The following SP140 variants were observed in gnomAD, a reference collection of about 807,000 sequenced individuals.
The protein encoded by SP140 is nuclear body protein SP140.
A neutral mutation model predicts 125.0 loss-of-function variants in SP140; 81 were observed. That is an observed-to-expected ratio of 0.65 (90% CI 0.54 to 0.78). SP140 has a LOEUF of 0.78. Among genes scored for constraint, SP140 ranks in the 30% least tolerant of loss-of-function variants. The pLI is 0.00. For missense variants in SP140, 858 were observed against 1,037.0 expected (o/e 0.83, Z 2.37); for synonymous variants, 312 against 354.0 (o/e 0.88, Z 1.33).
upstream of SP140, among the ~76,000 whole-genome samples, chr2:230,222,301 T>C (rs1230529302): frequency 6.6e-6 from 1 of 152,002 alleles, no homozygotes; most frequent in Admixed American, 6.6e-5. Context: ...TTAATTCACA[T>C]GCTAGTGATT....
chr2:230,238,927 T>C, intron 3 of SP140: 1 of 1,547,474 alleles, frequency 6.5e-7, no homozygotes, highest in Non-Finnish European at 8.7e-7. Flanking sequence ...ACCATGTGGT[T>C]GAATTGCAGA....
intron 22 of SP140, among the ~76,000 whole-genome samples, chr2:230,304,925 A>G (rs2058616203): frequency 2.6e-5 from 4 of 152,248 alleles, no homozygotes. Context: ...TAATTAAACT[A>G]AAAGGCTTCT....
chr2:230,311,411 A>G (rs1320468508), intron 25 of SP140, 41 bp from the exon 26 acceptor site: 2 of 1,518,732 alleles, frequency 1.3e-6, no homozygotes, highest in African/African-American at 2.8e-5. Context: ...GTAGACACTG[A>G]ACTATGCTGG....
chr2:230,288,931 CGT>C lies in SP140; in HGVS notation c.1720+974_1720+975del, dbSNP rs1364941007. Among the ~76,000 whole-genome samples, 12 of 152,112 alleles carry C rather than the reference CGT, an allele frequency of 7.9e-5. 1 individual carries two copies. The highest frequency in any genetic ancestry group is 6.5e-5 in the Admixed American group (1 of 15,268). ...TGTGAACACTGCTGCAATAAACACA[CGT>C]GTGTGTGTCTTTATAGTAGACTGAT... is the stretch of plus-strand genomic sequence containing the variant. On this transcript the variant is annotated intron_variant, in intron 18 of 26. Coordinates refer to ENST00000392045, the MANE Select transcript of SP140 (RefSeq NM_007237.5).
chr2:230,210,054 G>T, intron 1 of SP140: 1 of 1,182,044 alleles, frequency 8.5e-7, no homozygotes, highest in Non-Finnish European at 1.3e-6. Flanking sequence ...ATCCAGTGAA[G>T]AGAAAGTGCT....
intron 1 of SP140, chr2:230,208,009 T>A: frequency 6.4e-7 from 1 of 1,563,068 alleles, no homozygotes; most frequent in Non-Finnish European, 8.8e-7. Flanking sequence ...AGGCTTTTTT[T>A]CTTATGTCTC....
chr2:230,219,846 G>A, intron 3 of SP140: 2 of 915,058 alleles, frequency 2.2e-6, no homozygotes, highest in Non-Finnish European at 2.6e-6. Context: ...CAAGAGCGAA[G>A]AATAAAGCAG....
At chr2:230,220,468 T>C (rs1332590222) in intron 3 of SP140, among the ~76,000 whole-genome samples, 1 of 152,146 alleles carries the variant, frequency 6.6e-6, no homozygotes, top group Non-Finnish European at 1.5e-5. Context: ...GATAAGATTA[T>C]TACAGGAAGA....
rs772177506 is a variant in SP140 at position 230,269,563 on chromosome 2, T to C, written c.1272T>C (p.Asn424=). ...GTGAACTAGAAAATCACCCAATGAA[T>C]GAAGAAGGAGAATCAGAAGAGCTTG... ...VSSELENHPM[N]EEGESEELAS... The change falls in exon 13 of 27, where the codon AAT becomes AAC. Residue 424 remains asparagine (N), a synonymous_variant. Coordinates refer to ENST00000392045, the MANE Select transcript of SP140 (RefSeq NM_007237.5). 3.9e-5 allele frequency: 62 copies of C among 1,607,948 alleles called. No individual in the cohort carries two copies. Among genetic ancestry groups the C allele is most frequent in the Non-Finnish European group, 4.9e-5 (58 of 1,175,410 alleles).
At chr2:230,303,053 C>A (rs1356812789) in intron 22 of SP140, among the ~76,000 whole-genome samples, 1 of 151,664 alleles carries the variant, frequency 6.6e-6, no homozygotes, top group Non-Finnish European at 1.5e-5. Flanking sequence ...AAAGAAATAA[C>A]AAAGATCAGA....
At chr2:230,274,111 TAAAA>T (rs34151475) in intron 15 of SP140, among the ~76,000 whole-genome samples, 1 of 141,632 alleles carries the variant, frequency 7.1e-6, no homozygotes, top group South Asian at 2.2e-4. Context: ...ACTTAAAGTA[TAAAA>T]AAAAAAAAAA....
chr2:230,260,113 G>T (rs1049524600), intron 12 of SP140, among the ~76,000 whole-genome samples: 15 of 151,976 alleles, frequency 9.9e-5, no homozygotes, highest in Non-Finnish European at 1.6e-4. Flanking sequence ...TACTGTTTTT[G>T]ATTTTTTGAT....
chr2:230,220,013 C>T (rs2045666223), intron 3 of SP140: 1 of 985,602 alleles, frequency 1.0e-6, no homozygotes. Context: ...AGGGGCCGGG[C>T]TTCCGAGAAA....
chr2:230,244,877 G>A (rs989478241), intron 5 of SP140, 111 bp from the exon 6 acceptor site: 13 of 717,946 alleles, frequency 1.8e-5, no homozygotes, highest in African/African-American at 1.8e-4. Flanking sequence ...GAGGTCCTTG[G>A]AGCAATAGTG....
chr2:230,273,709 A>G (rs190855372), intron 15 of SP140, among the ~76,000 whole-genome samples: 2 of 152,348 alleles, frequency 1.3e-5, no homozygotes, highest in African/African-American at 2.4e-5. Context: ...ATGTCCAGCA[A>G]TGATAGACTG....
At position 230,284,263 on chromosome 2, in the gene SP140, A is replaced by G. The variant is rs911479912; in HGVS notation, c.1499-83A>G. On this transcript the variant is annotated intron_variant, in intron 15 of 26. Coordinates refer to ENST00000392045, the MANE Select transcript of SP140 (RefSeq NM_007237.5). ...CCTGCGGACCAAAGTATGAAAAAAA[A>G]TCTTTAATACTATTGGCATATAAAA... The G allele has an allele frequency of 2.2e-6, 3 of 1,347,636 alleles. No homozygotes were observed. In the African/African-American group the frequency reaches 4.5e-5, roughly 20 times the overall value. The allele number at this position is 1,347,636 out of a possible 1,614,324, so 83.5% of individuals were successfully genotyped here. A position where few individuals can be genotyped will look rare whatever the true frequency, so the allele number is the denominator to read the frequency against.
intron 15 of SP140, among the ~76,000 whole-genome samples, chr2:230,279,355 C>A (rs550040861): frequency 1.1e-4 from 17 of 151,598 alleles, no homozygotes; most frequent in African/African-American, 3.9e-4. Flanking sequence ...TCCAAATAGT[C>A]AAAGTAATTT....
At chr2:230,310,131 G>C (rs1372986375) in intron 23 of SP140, 92 bp downstream of exon 23, 1 of 1,233,774 alleles carries the variant, frequency 8.1e-7, no homozygotes, top group East Asian at 2.5e-5. Flanking sequence ...CTTGTGTCTA[G>C]ATGGGGAAAG....
At chr2:230,268,460 G>A (rs1176029977) in intron 12 of SP140, among the ~76,000 whole-genome samples, 1 of 151,728 alleles carries the variant, frequency 6.6e-6, no homozygotes, top group African/African-American at 2.4e-5. Flanking sequence ...AGGAGGCGGA[G>A]GTTGCAGTGA....
Sources: gnomAD v4.1 joint callset for allele counts (sites outside exome capture counted in the v4.1 genomes callset) on GRCh38, gnomAD v4.1.1 for gene constraint, MANE v1.5 for transcripts, NCBI Gene and HGNC (gene_info 2026-07-23, HGNC 2026-07-21) for gene names.